Variants in DCDC2 observed in about 807,000 individuals in gnomAD.
The protein encoded by DCDC2 is doublecortin domain-containing protein 2.
Under a neutral mutation model 50.2 loss-of-function variants are expected in DCDC2, and 40 were observed. That is an observed-to-expected ratio of 0.80 (90% CI 0.62 to 1.04). The LOEUF is 1.04. Ranked by LOEUF, DCDC2 falls within the 50% of genes least tolerant of loss-of-function variation. The probability of loss-of-function intolerance (pLI) is 0.00; values close to 1 mark genes in which losing one functional copy is unlikely to be tolerated. For missense variants in DCDC2, 570 were observed against 581.9 expected (o/e 0.98, Z 0.21); for synonymous variants, 234 against 210.6 (o/e 1.11, Z -0.96).
intron 2 of DCDC2, 73 bp downstream of exon 2, chr6:24,353,496 A>G (rs1012912624): frequency 1.1e-6 from 1 of 938,346 alleles, no homozygotes; most frequent in African/African-American, 1.7e-5. Flanking sequence ...TGCCGTCCAA[A>G]TCTCTAAGAC....
At chr6:24,317,266 C>T (rs752451436) in intron 2 of DCDC2, among the ~76,000 whole-genome samples, 46 of 151,978 alleles carry the variant, frequency 3.0e-4, no homozygotes, top group Middle Eastern at 3.4e-3. Flanking sequence ...TTAATTTTAG[C>T]AGGGTGGTAC....
At chr6:24,354,958 T>TA (rs1308640630) in intron 1 of DCDC2, among the ~76,000 whole-genome samples, 1 of 152,224 alleles carries the variant, frequency 6.6e-6, no homozygotes, top group African/African-American at 2.4e-5. Context: ...ATTTAGGGTC[T>TA]AAATGAAAGC....
chr6:24,348,424 A>T (rs1022743927), intron 2 of DCDC2, among the ~76,000 whole-genome samples: 6 of 152,164 alleles, frequency 3.9e-5, no homozygotes, highest in Non-Finnish European at 8.8e-5. Context: ...CAAAGAAGGG[A>T]TCCTTGTGGC....
intron 8 of DCDC2, among the ~76,000 whole-genome samples, chr6:24,196,739 C>G (rs1054960046): frequency 6.6e-6 from 1 of 152,164 alleles, no homozygotes; most frequent in African/African-American, 2.4e-5. Flanking sequence ...TAAGACCTAT[C>G]TGACAGGGTT....
chr6:24,290,285 G>A (rs890126371), intron 5 of DCDC2, among the ~76,000 whole-genome samples: 6 of 152,204 alleles, frequency 3.9e-5, no homozygotes, highest in Middle Eastern at 3.4e-3. Flanking sequence ...GAGCCACCGC[G>A]CCCGGCCCAG....
At chr6:24,325,283 C>A (rs1050455399) in intron 2 of DCDC2, among the ~76,000 whole-genome samples, 5 of 149,580 alleles carry the variant, frequency 3.3e-5, no homozygotes, top group African/African-American at 9.7e-5. Flanking sequence ...TATGTTACAG[C>A]AAATAAGCAA....
intron 7 of DCDC2, among the ~76,000 whole-genome samples, chr6:24,257,577 A>C (rs1019912737): frequency 6.6e-6 from 1 of 152,218 alleles, no homozygotes; most frequent in African/African-American, 2.4e-5. Flanking sequence ...GTTAGTCTTA[A>C]AGAGAATAAA....
chr6:24,361,057 C>A (rs778742073), upstream of DCDC2, among the ~76,000 whole-genome samples: 42 of 152,126 alleles, frequency 2.8e-4, no homozygotes, highest in South Asian at 6.2e-4. Flanking sequence ...TGGGACATTG[C>A]AATCTGGAGA....
At chr6:24,257,285 T>A (rs1402838360) in intron 7 of DCDC2, among the ~76,000 whole-genome samples, 1 of 152,122 alleles carries the variant, frequency 6.6e-6, no homozygotes, top group African/African-American at 2.4e-5. Context: ...TGTGAAAAAA[T>A]TCAGTCATTC....
chr6:24,273,481 G>A (rs565336211), intron 7 of DCDC2, among the ~76,000 whole-genome samples: 2 of 152,278 alleles, frequency 1.3e-5, no homozygotes, highest in East Asian at 3.9e-4. Flanking sequence ...TGAATGTGGT[G>A]GCAAGAGACA....
In DCDC2 at chr6:24,300,255, C is replaced by T. The variant is rs1160503988; in HGVS notation, c.557+1460G>A. Among the ~76,000 whole-genome samples the T allele has an allele frequency of 2.6e-5, 4 of 151,660 alleles. No individual in the cohort carries two copies. In the East Asian group the frequency reaches 5.8e-4, roughly 22 times the overall value. ...AAAGAAAAAAAAAACAAAAGCTAGA[C>T]GTTGTGGTGCATGCTACTTGGGAGG... On this transcript the variant is annotated intron_variant, in intron 4 of 9. Transcript: ENST00000378454.
chr6:24,185,749 T>C (rs150538161), intron 8 of DCDC2, among the ~76,000 whole-genome samples: 45 of 149,390 alleles, frequency 3.0e-4, no homozygotes, highest in African/African-American at 1.1e-3. Flanking sequence ...ATAAAATCTA[T>C]ACCATGGTGA....
chr6:24,236,803 A>C (rs998279451), intron 7 of DCDC2, among the ~76,000 whole-genome samples: 3 of 152,180 alleles, frequency 2.0e-5, no homozygotes, highest in African/African-American at 7.2e-5. Flanking sequence ...TGAGGTCAGG[A>C]GTTCAAGACC....
At chr6:24,235,410 C>G (rs552112448) in intron 7 of DCDC2, among the ~76,000 whole-genome samples, 1 of 152,310 alleles carries the variant, frequency 6.6e-6, no homozygotes, top group South Asian at 2.1e-4. Flanking sequence ...AAAATACTAA[C>G]AAACCAAATC....
the DCDC2 span, among the ~76,000 whole-genome samples, chr6:24,380,637 T>TA: frequency 6.6e-6 from 1 of 152,196 alleles, no homozygotes; most frequent in African/African-American, 2.4e-5. Context: ...GATTTGTTCT[T>TA]ATACATGCTA....
At chr6:24,179,847 A>G (rs374381338) in intron 8 of DCDC2, among the ~76,000 whole-genome samples, 4 of 144,848 alleles carry the variant, frequency 2.8e-5, no homozygotes, top group Non-Finnish European at 6.0e-5. Context: ...CCAGCTACTC[A>G]GGAGGCTGAG....
the DCDC2 span, among the ~76,000 whole-genome samples, chr6:24,373,662 G>GCT: frequency 6.6e-6 from 1 of 152,110 alleles, no homozygotes; most frequent in East Asian, 1.9e-4. Context: ...GGGAGCACAT[G>GCT]GGGTTACTGC....
chr6:24,307,716 T>A (rs1581644102), intron 2 of DCDC2, among the ~76,000 whole-genome samples: 1 of 151,804 alleles, frequency 6.6e-6, no homozygotes, highest in Non-Finnish European at 1.5e-5. Context: ...ACCAGATACA[T>A]CCAAATTATA....
At chr6:24,178,825 A>G (rs1470802579) in intron 8 of DCDC2, among the ~76,000 whole-genome samples, 193 bp from the exon 9 acceptor site, 1 of 152,160 alleles carries the variant, frequency 6.6e-6, no homozygotes, top group Non-Finnish European at 1.5e-5. Flanking sequence ...GCATTCCCTC[A>G]TTTAATCCTC....
Sources: allele counts gnomAD v4.1 joint callset (sites outside exome capture counted in the v4.1 genomes callset), GRCh38; gene constraint gnomAD v4.1.1; transcripts MANE v1.5; gene names NCBI Gene and HGNC (gene_info 2026-07-23, HGNC 2026-07-21).